The following TEX48 variants were observed in gnomAD, a reference collection of about 807,000 sequenced individuals.
TEX48 encodes testis expressed 48, also known as testis-expressed protein 48.
Under a neutral mutation model 13.2 loss-of-function variants are expected in TEX48, and 10 were observed. The ratio of observed to expected loss-of-function variants is 0.75; its 90% confidence interval spans 0.47 to 1.28. The LOEUF is 1.28. Ranked by LOEUF, TEX48 falls within the 50% of genes most tolerant of loss-of-function variation. The pLI is 0.00. For synonymous variants in TEX48, 45 were observed against 52.3 expected, an observed-to-expected ratio of 0.86 and a Z score of 0.60; for missense variants, 116 against 139.4, an observed-to-expected ratio of 0.83 and a Z score of 0.84.
intron 1 of TEX48, among the ~76,000 whole-genome samples, chr9:114,675,084 C>G (rs1828038001): frequency 6.6e-6 from 1 of 152,128 alleles, no homozygotes; most frequent in South Asian, 2.1e-4. Flanking sequence ...GTTTACTGCT[C>G]TATTCTCAGT....
chr9:114,668,233 T>G lies in TEX48; in HGVS notation c.232A>C (p.Thr78Pro). The change falls in exon 4 of 5, where the codon ACT (threonine) becomes CCT (proline). Residue 78 changes from threonine (T) to proline (P), a missense_variant. Coordinates refer to ENST00000436752, the MANE Select transcript of TEX48 (RefSeq NM_001199233.2). ...RTPLIQTKKSTSSSSSEFEDL... is the reference protein window; with the variant it reads ...RTPLIQTKKSPSSSSSEFEDL... ...TCAAACTCACTGCTGCTGGAGGAAG[T>G]GCTCTTTTTTGTCTGGATCAGGGGT... 1 of 1,535,696 alleles carries G rather than the reference T, an allele frequency of 6.5e-7. No homozygotes were observed. Among genetic ancestry groups the G allele is most frequent in the South Asian group, 1.2e-5 (1 of 84,068 alleles).
At chr9:114,667,261 G>A (rs2282002) in intron 4 of TEX48, among the ~76,000 whole-genome samples, 9,072 of 152,210 alleles carry the variant, frequency 0.06, 521 homozygotes, top group East Asian at 0.24. Context: ...AAAATGACTG[G>A]GTTGGATAAT....
chr9:114,667,975 C>T (rs1827873315), intron 4 of TEX48, among the ~76,000 whole-genome samples: 1 of 151,654 alleles, frequency 6.6e-6, no homozygotes, highest in Non-Finnish European at 1.5e-5. Flanking sequence ...TTTGCCCTTC[C>T]CCCCAGACCT....
chr9:114,677,251 G>GTTTGT (rs1360044606), intron 1 of TEX48, among the ~76,000 whole-genome samples: 1 of 147,936 alleles, frequency 6.8e-6, no homozygotes, highest in African/African-American at 2.5e-5. Flanking sequence ...TTGTTTGTTT[G>GTTTGT]TTTTTTTGTT....
At chr9:114,667,784 A>C (rs1425976950) in intron 4 of TEX48, among the ~76,000 whole-genome samples, 1 of 151,832 alleles carries the variant, frequency 6.6e-6, no homozygotes, top group Non-Finnish European at 1.5e-5. Flanking sequence ...CTGTAATCTC[A>C]GCTACTCAGG....
At chr9:114,673,213 C>G (rs1639378235) in intron 1 of TEX48, among the ~76,000 whole-genome samples, 1 of 152,236 alleles carries the variant, frequency 6.6e-6, no homozygotes, top group South Asian at 2.1e-4. Flanking sequence ...TGGCTCATGC[C>G]TGTAATCTCA....
chr9:114,679,945 T>C (rs1431989645), intron 1 of TEX48, among the ~76,000 whole-genome samples: 6 of 152,132 alleles, frequency 3.9e-5, no homozygotes, highest in African/African-American at 1.4e-4. Context: ...TCTGCACCAT[T>C]GCTAACACTC....
Position 114,666,629 on chromosome 9 carries a change from G to A in TEX48, c.*14C>T, listed in dbSNP as rs760370212. 9.3e-5 allele frequency: 135 copies of A among 1,459,396 alleles called. No homozygotes were observed. The highest frequency in any genetic ancestry group is 1.7e-4 in the African/African-American group (12 of 70,176). 90.4% of individuals were successfully genotyped at this position (1,459,396 alleles called of 1,614,324 possible). On this transcript the variant is annotated 3_prime_UTR_variant, in exon 5 of 5. Coordinates refer to ENST00000436752, the MANE Select transcript of TEX48 (RefSeq NM_001199233.2). The stretch of plus-strand genomic sequence containing the variant: ...GAGATGCCCCAGCAGCTGTGCAGCC[G>A]CCGGCTAGAATGCTCAGGGCCTCCC...
intron 1 of TEX48, among the ~76,000 whole-genome samples, chr9:114,672,409 C>T (rs572985710): frequency 6.6e-6 from 1 of 152,168 alleles, no homozygotes; most frequent in Non-Finnish European, 1.5e-5. Flanking sequence ...TCCCAGATCC[C>T]TTTATTTGTG....
chr9:114,668,425 C>T, intron 3 of TEX48, 88 bp from the exon 4 acceptor site: 1 of 1,235,400 alleles, frequency 8.1e-7, no homozygotes, highest in Non-Finnish European at 1.1e-6. Flanking sequence ...TGAAGCAGCG[C>T]ACACAGGCAA....
intron 3 of TEX48, among the ~76,000 whole-genome samples, chr9:114,668,754 G>T (rs1827888283): frequency 6.6e-6 from 1 of 152,148 alleles, no homozygotes; most frequent in African/African-American, 2.4e-5. Flanking sequence ...TCTTCCCCAA[G>T]TTATTATCAC....
At chr9:114,667,557 T>G (rs1420117399) in intron 4 of TEX48, among the ~76,000 whole-genome samples, 1 of 152,214 alleles carries the variant, frequency 6.6e-6, no homozygotes, top group Non-Finnish European at 1.5e-5. Context: ...TGGCACTTAC[T>G]GTCTAGTGGC....
intron 1 of TEX48, among the ~76,000 whole-genome samples, chr9:114,673,792 G>A (rs1827996500): frequency 7.7e-6 from 1 of 129,524 alleles, no homozygotes; most frequent in African/African-American, 3.0e-5. Context: ...TAGCAAATAT[G>A]TGGGGGTAAA....
At chr9:114,679,952 A>G (rs531067180) in intron 1 of TEX48, among the ~76,000 whole-genome samples, 1 of 151,872 alleles carries the variant, frequency 6.6e-6, no homozygotes, top group Non-Finnish European at 1.5e-5. Context: ...CATTGCTAAC[A>G]CTCCCGTTGT....
At chr9:114,678,823 C>T (rs1245071837) in intron 1 of TEX48, among the ~76,000 whole-genome samples, 1 of 128,068 alleles carries the variant, frequency 7.8e-6, no homozygotes, top group South Asian at 2.4e-4. Context: ...GCCCAGGCAA[C>T]AGGAGATCCT....
At chr9:114,681,783 A>G (rs1282373119) in intron 1 of TEX48, among the ~76,000 whole-genome samples, 2 of 143,414 alleles carry the variant, frequency 1.4e-5, no homozygotes, top group African/African-American at 5.0e-5. Context: ...CACTTTGATC[A>G]GAAGAAAGAT....
intron 1 of TEX48, among the ~76,000 whole-genome samples, chr9:114,675,821 C>T (rs1473579118): frequency 6.6e-6 from 1 of 152,232 alleles, no homozygotes; most frequent in Non-Finnish European, 1.5e-5. Flanking sequence ...ATAAGAGATG[C>T]TGTATAGGCA....
At chr9:114,669,459 G>C (rs1362909358) in intron 3 of TEX48, among the ~76,000 whole-genome samples, 1 of 147,462 alleles carries the variant, frequency 6.8e-6, no homozygotes, top group Non-Finnish European at 1.5e-5. Flanking sequence ...TTTTTTTTTT[G>C]AGATAGAGTT....
chr9:114,668,993 C>T (rs113959040), intron 3 of TEX48, among the ~76,000 whole-genome samples: 42 of 151,984 alleles, frequency 2.8e-4, no homozygotes, highest in African/African-American at 9.4e-4. Flanking sequence ...TGTGTCACTG[C>T]GCCCAGCTAA....
Sources: gnomAD v4.1 joint callset for allele counts (sites outside exome capture counted in the v4.1 genomes callset) on GRCh38, gnomAD v4.1.1 for gene constraint, MANE v1.5 for transcripts, NCBI Gene and HGNC (gene_info 2026-07-23, HGNC 2026-07-21) for gene names.